The following MAGI1 variants were observed in gnomAD, a reference collection of about 807,000 sequenced individuals.
MAGI1 encodes membrane associated guanylate kinase, WW and PDZ domain containing 1.
In MAGI1, 58 loss-of-function variants were observed where a neutral mutation model predicts 139.9. That is an observed-to-expected ratio of 0.41 (90% CI 0.34 to 0.52). The LOEUF (loss-of-function observed/expected upper bound fraction) is 0.52. Ranked by LOEUF, MAGI1 falls within the 20% of genes least tolerant of loss-of-function variation. The pLI, the probability that MAGI1 is intolerant of heterozygous loss-of-function variation, is 0.12. For missense variants in MAGI1, 1,874 were observed against 1,901.6 expected (o/e 0.99, Z 0.27); for synonymous variants, 812 against 737.9 (o/e 1.10, Z -1.63).
At chr3:65,670,341 CAT>C (rs2086779401) in intron 1 of MAGI1, among the ~76,000 whole-genome samples, 3 of 123,166 alleles carry the variant, frequency 2.4e-5, no homozygotes, top group South Asian at 2.6e-4. Context: ...ACACATATGC[CAT>C]GTGTGTATAT....
intron 2 of MAGI1, among the ~76,000 whole-genome samples, chr3:65,590,549 G>T (rs931397185): frequency 6.6e-6 from 1 of 152,166 alleles, no homozygotes; most frequent in Admixed American, 6.5e-5. Flanking sequence ...TTCTGAGGAT[G>T]ATATAATTCA....
At chr3:65,779,594 C>T (rs1320857851) in intron 1 of MAGI1, among the ~76,000 whole-genome samples, 1 of 152,190 alleles carries the variant, frequency 6.6e-6, no homozygotes, top group Admixed American at 6.5e-5. Context: ...CAGATTTATC[C>T]CCTAATTTGA....
At chr3:65,802,002 G>A (rs2040543416) in intron 1 of MAGI1, among the ~76,000 whole-genome samples, 1 of 152,044 alleles carries the variant, frequency 6.6e-6, no homozygotes, top group Admixed American at 6.6e-5. Flanking sequence ...ATCTAGGTTG[G>A]ACACTCCTTA....
Position 65,845,752 on chromosome 3 carries a change from C to T in MAGI1, c.313+192244G>A, listed in dbSNP as rs114218952. Among the ~76,000 whole-genome samples, 559 of 152,308 alleles carry T rather than the reference C, an allele frequency of 3.7e-3. 4 individuals are homozygous for T. Among genetic ancestry groups the T allele is most frequent in the African/African-American group, 0.013 (541 of 41,570 alleles). Reference sequence around the variant, plus strand: ...AGCTCTTCCTCCCCATCTGTTCCAGCCACACCTGTCTCGACCTTCTCTGGT... The same window carrying T: ...AGCTCTTCCTCCCCATCTGTTCCAGTCACACCTGTCTCGACCTTCTCTGGT... On this transcript the variant is annotated intron_variant, in intron 1 of 22. Transcript: ENST00000402939.
At chr3:65,828,792 A>C (rs2042366304) in intron 1 of MAGI1, among the ~76,000 whole-genome samples, 1 of 152,204 alleles carries the variant, frequency 6.6e-6, no homozygotes, top group Non-Finnish European at 1.5e-5. Flanking sequence ...TGAGTTATTA[A>C]AAACTGAGAA....
intron 2 of MAGI1, among the ~76,000 whole-genome samples, chr3:65,552,034 G>C (rs2079859773): frequency 6.6e-6 from 1 of 152,204 alleles, no homozygotes; most frequent in African/African-American, 2.4e-5. Context: ...ATTCCTGTCA[G>C]AGTGAAAGTG....
At chr3:65,844,774 C>A (rs536037942) in intron 1 of MAGI1, among the ~76,000 whole-genome samples, 1 of 152,278 alleles carries the variant, frequency 6.6e-6, no homozygotes, top group African/African-American at 2.4e-5. Flanking sequence ...TGGATCCAAT[C>A]TAAACACATA....
chr3:65,411,253 G>C (rs1945772133), intron 12 of MAGI1, among the ~76,000 whole-genome samples: 2 of 152,158 alleles, frequency 1.3e-5, no homozygotes, highest in Admixed American at 1.3e-4. Context: ...ATCTAAAAAT[G>C]CTTCTACCTC....
chr3:65,677,534 A>G (rs1379322817), intron 1 of MAGI1, among the ~76,000 whole-genome samples: 1 of 152,222 alleles, frequency 6.6e-6, no homozygotes, highest in Non-Finnish European at 1.5e-5. Flanking sequence ...TGCTTAAGGT[A>G]TCAGAGAAGA....
chr3:65,665,205 A>C, intron 1 of MAGI1, among the ~76,000 whole-genome samples: 1 of 152,216 alleles, frequency 6.6e-6, no homozygotes, highest in East Asian at 1.9e-4. Context: ...GGTGTGCTGG[A>C]TATGCTTCAT....
intron 1 of MAGI1, among the ~76,000 whole-genome samples, chr3:66,021,620 A>G (rs967540358): frequency 6.6e-6 from 1 of 152,160 alleles, no homozygotes; most frequent in Non-Finnish European, 1.5e-5. Context: ...ATTCAGCCAG[A>G]GCACCTTTAA....
Position 65,429,575 on chromosome 3 carries a change from A to G in MAGI1, c.2112T>C (p.Asp704=), listed in dbSNP as rs555946241. 147 of 1,613,892 alleles carry G rather than the reference A, an allele frequency of 9.1e-5. 3 individuals are homozygous for G. The South Asian group carries it at 1.6e-3, about 17-fold the overall frequency. Residue 704 remains aspartate, a synonymous_variant, in exon 12 of 23, where the codon GAT becomes GAC. Coordinates refer to ENST00000402939, the MANE Select transcript of MAGI1 (RefSeq NM_001033057.2). ...TTCCCTTAGGACACTCAACCAGCAT[A>G]TCCACCACTTGGTTGTGAGTTAGGG... is the stretch of plus-strand genomic sequence containing the variant. The part of the protein sequence containing the change: ...VQALTHNQVV[D]MLVECPKGSE...
intron 1 of MAGI1, among the ~76,000 whole-genome samples, chr3:65,658,261 T>G (rs555394685): frequency 5.4e-4 from 72 of 134,484 alleles, no homozygotes; most frequent in African/African-American, 1.7e-3. Flanking sequence ...TACAGTTCTC[T>G]TTATAAATAT....
intron 1 of MAGI1, among the ~76,000 whole-genome samples, chr3:65,721,126 C>T (rs1313972210): frequency 1.3e-5 from 2 of 152,142 alleles, no homozygotes; most frequent in East Asian, 3.9e-4. Flanking sequence ...CCTAGAGTTC[C>T]AGAGGTAGTG....
At chr3:65,925,723 AGGC>A (rs909911319) in intron 1 of MAGI1, among the ~76,000 whole-genome samples, 8 of 152,146 alleles carry the variant, frequency 5.3e-5, no homozygotes, top group Admixed American at 4.6e-4. Flanking sequence ...TCTGTTGCCC[AGGC>A]TGAAGTGCAA....
At chr3:65,391,073 T>C (rs1943889002) in intron 14 of MAGI1, 69 bp downstream of exon 14, 7 of 1,337,820 alleles carry the variant, frequency 5.2e-6, no homozygotes, top group Non-Finnish European at 6.3e-6. Context: ...CTATTTTCAA[T>C]AACCTTCAAG....
intron 1 of MAGI1, among the ~76,000 whole-genome samples, chr3:65,693,105 T>C (rs1168287706): frequency 2.0e-5 from 3 of 152,146 alleles, no homozygotes; most frequent in Non-Finnish European, 4.4e-5. Context: ...CTGGCTATTT[T>C]TATTTTTTAA....
At chr3:65,415,847 AGT>A (rs1304640819) in intron 12 of MAGI1, among the ~76,000 whole-genome samples, 1 of 152,302 alleles carries the variant, frequency 6.6e-6, no homozygotes, top group African/African-American at 2.4e-5. Flanking sequence ...ACCGGCAGCT[AGT>A]GCTAGGTTAT....
chr3:65,738,669 G>C (rs1259251880), intron 1 of MAGI1, among the ~76,000 whole-genome samples: 1 of 152,186 alleles, frequency 6.6e-6, no homozygotes, highest in African/African-American at 2.4e-5. Context: ...TGTGTTAACA[G>C]GCACGAAAAC....
Sources: gnomAD v4.1 joint callset for allele counts (sites outside exome capture counted in the v4.1 genomes callset) on GRCh38, gnomAD v4.1.1 for gene constraint, MANE v1.5 for transcripts, NCBI Gene and HGNC (gene_info 2026-07-23, HGNC 2026-07-21) for gene names.